GALNTL6: variants seen among roughly 807,000 people sequenced by gnomAD.
GALNTL6 encodes the protein polypeptide N-acetylgalactosaminyltransferase like 6.
GALNTL6 carries 46 observed loss-of-function variants against 73.7 expected under a neutral mutation model. The observed-to-expected ratio is 0.62, with a 90% CI of 0.49 to 0.80. The LOEUF (loss-of-function observed/expected upper bound fraction) is 0.80. GALNTL6 is among the 30% of genes least tolerant of loss of function. The pLI is 0.00. For synonymous variants in GALNTL6, 259 were observed against 263.7 expected (o/e 0.98, Z 0.17); for missense variants, 604 against 755.0 (o/e 0.80, Z 2.34).
Position 172,762,986 on chromosome 4 carries a change from C to T in GALNTL6, c.554-46375C>T, listed in dbSNP as rs796877684. Among the ~76,000 whole-genome samples, 7 of 144,912 alleles carry T rather than the reference C, an allele frequency of 4.8e-5. No homozygotes were observed. In the South Asian group the frequency reaches 1.5e-3, roughly 32 times the overall value. On this transcript the variant is annotated intron_variant, in intron 5 of 12. Transcript: ENST00000506823. Reference sequence around the variant, plus strand: ...CTCAAGTCTGCCATATGATGGCTGCCAGTGACATCATTGCAGACAAAAAAA... The same window carrying T: ...CTCAAGTCTGCCATATGATGGCTGCTAGTGACATCATTGCAGACAAAAAAA...
chr4:171,865,993 A>T lies in GALNTL6; in HGVS notation c.138+51275A>T, dbSNP rs542526027. ...CAAATTATTATGAAGAGTTGGCATA[A>T]TTCTCTGTTAAATATAAAAAAGGCT... is the stretch of plus-strand genomic sequence containing the variant. On this transcript the variant is annotated intron_variant, in intron 2 of 12. Coordinates refer to ENST00000506823, the MANE Select transcript of GALNTL6 (RefSeq NM_001034845.3). Among the ~76,000 whole-genome samples, 19 of 152,286 alleles carry T rather than the reference A, an allele frequency of 1.2e-4. No homozygotes were observed. In the South Asian group the frequency reaches 3.9e-3, roughly 32 times the overall value.
At chr4:172,919,411 C>T (rs777946098) in intron 8 of GALNTL6, among the ~76,000 whole-genome samples, 4 of 152,090 alleles carry the variant, frequency 2.6e-5, no homozygotes, top group Admixed American at 1.3e-4. Flanking sequence ...TTTCATTTTC[C>T]GCTTCACCAC....
In GALNTL6 at chr4:172,496,114, G is replaced by C. The variant is rs550996954; in HGVS notation, c.553+147425G>C. Among the ~76,000 whole-genome samples the C allele has an allele frequency of 6.2e-4, 94 of 152,200 alleles. 1 individual carries two copies. Among genetic ancestry groups the C allele is most frequent in the African/African-American group, 2.0e-3 (85 of 41,532 alleles). On this transcript the variant is annotated intron_variant, in intron 5 of 12. Coordinates refer to ENST00000506823, the MANE Select transcript of GALNTL6 (RefSeq NM_001034845.3). Reference sequence around the variant, plus strand: ...TCTGTCATCACTGCTGCATTTTTTAGACTGATTTTTAATCTCTCATACAAA... The same window carrying C: ...TCTGTCATCACTGCTGCATTTTTTACACTGATTTTTAATCTCTCATACAAA...
At chr4:172,791,958 C>T (rs1459220905) in intron 5 of GALNTL6, among the ~76,000 whole-genome samples, 1 of 152,210 alleles carries the variant, frequency 6.6e-6, no homozygotes, top group South Asian at 2.1e-4. Context: ...GAAACCATAA[C>T]AAGCTCCTAA....
chr4:171,899,077 T>TATTTAGTATTTATAAATACTAAATAAAA (rs1560831606), intron 2 of GALNTL6, among the ~76,000 whole-genome samples: 1 of 145,278 alleles, frequency 6.9e-6, no homozygotes, highest in African/African-American at 2.5e-5. Flanking sequence ...GTATTACTTT[T>TATTTAGTATTTATAAATACTAAATAAAA]ATTTAGTATT....
At chr4:172,958,596 G>A (rs1312127501) in intron 10 of GALNTL6, among the ~76,000 whole-genome samples, 3 of 152,224 alleles carry the variant, frequency 2.0e-5, no homozygotes, top group Non-Finnish European at 4.4e-5. Context: ...TTTTGTAGAA[G>A]GTGTTGGGGT....
intron 2 of GALNTL6, among the ~76,000 whole-genome samples, chr4:171,957,764 C>T (rs1407567319): frequency 6.6e-6 from 1 of 152,136 alleles, no homozygotes; most frequent in Non-Finnish European, 1.5e-5. Context: ...GGTGTACAAT[C>T]CATTCTCTCC....
intron 3 of GALNTL6, among the ~76,000 whole-genome samples, chr4:172,229,968 T>C (rs143047825): frequency 2.4e-4 from 37 of 152,240 alleles, no homozygotes; most frequent in African/African-American, 8.7e-4. Context: ...ATATTAGCTG[T>C]GGTAAAAGTC....
chr4:172,943,771 C>T (rs1053700695), intron 9 of GALNTL6, among the ~76,000 whole-genome samples: 2 of 152,198 alleles, frequency 1.3e-5, no homozygotes, highest in African/African-American at 4.8e-5. Flanking sequence ...CAACAACAAA[C>T]ACACAACCTG....
chr4:172,774,105 A>C (rs1391692239), intron 5 of GALNTL6, among the ~76,000 whole-genome samples: 1 of 152,228 alleles, frequency 6.6e-6, no homozygotes, highest in Non-Finnish European at 1.5e-5. Context: ...TCATTTTTGC[A>C]CAACGAATTC....
At chr4:172,482,675 T>A (rs1268890063) in intron 5 of GALNTL6, among the ~76,000 whole-genome samples, 1 of 152,250 alleles carries the variant, frequency 6.6e-6, no homozygotes, top group Non-Finnish European at 1.5e-5. Flanking sequence ...TTTCAGTTTT[T>A]GGTAATTTGT....
At chr4:172,661,883 C>G (rs905627168) in intron 5 of GALNTL6, among the ~76,000 whole-genome samples, 1 of 152,142 alleles carries the variant, frequency 6.6e-6, no homozygotes, top group Non-Finnish European at 1.5e-5. Flanking sequence ...GCAAAACAGT[C>G]CCTGATGTCA....
chr4:172,948,863 C>T (rs1029453346), intron 9 of GALNTL6, among the ~76,000 whole-genome samples: 1 of 152,106 alleles, frequency 6.6e-6, no homozygotes, highest in South Asian at 2.1e-4. Flanking sequence ...CCCTAGTTAA[C>T]TATACTAAAG....
intron 2 of GALNTL6, among the ~76,000 whole-genome samples, chr4:172,199,489 G>T (rs571410386): frequency 6.8e-4 from 104 of 152,242 alleles, no homozygotes; most frequent in African/African-American, 2.4e-3. Flanking sequence ...CATTTGACTT[G>T]TAATTAGTGT....
chr4:172,893,970 A>C (rs992261310), intron 8 of GALNTL6, among the ~76,000 whole-genome samples: 5 of 152,134 alleles, frequency 3.3e-5, no homozygotes, highest in Non-Finnish European at 5.9e-5. Flanking sequence ...CAGGTTTGGG[A>C]GCTGGTCCTC....
intron 5 of GALNTL6, among the ~76,000 whole-genome samples, chr4:172,780,880 T>G (rs1739338081): frequency 6.6e-6 from 1 of 152,166 alleles, no homozygotes; most frequent in Admixed American, 6.5e-5. Flanking sequence ...GCTGTGCATA[T>G]CAGAGCTACA....
At chr4:171,845,614 C>T (rs1053874137) in intron 2 of GALNTL6, among the ~76,000 whole-genome samples, 10 of 151,998 alleles carry the variant, frequency 6.6e-5, no homozygotes, top group African/African-American at 2.4e-4. Flanking sequence ...TAGATGTGCT[C>T]TCTACAACCG....
intron 5 of GALNTL6, among the ~76,000 whole-genome samples, chr4:172,758,451 G>A (rs146442363): frequency 6.6e-6 from 1 of 152,172 alleles, no homozygotes; most frequent in African/African-American, 2.4e-5. Flanking sequence ...CAGGAGAATT[G>A]CTTGAACCCA....
Position 172,744,834 on chromosome 4 carries a change from CGCGTGCGTGTGT to C in GALNTL6, c.554-64525_554-64514del, listed in dbSNP as rs1202301771. Among the ~76,000 whole-genome samples the C allele has an allele frequency of 8.0e-3, 676 of 84,690 alleles. 6 individuals carry two copies. The highest frequency in any genetic ancestry group is 0.029 in the African/African-American group (648 of 22,248). The allele number at this position is 84,690 out of a possible 152,430, so 55.6% of individuals were successfully genotyped here. A position where few individuals can be genotyped will look rare whatever the true frequency, so the allele number is the denominator to read the frequency against. On this transcript the variant is annotated intron_variant, in intron 5 of 12. Transcript: ENST00000506823. ...CACAAAAGGATAGATTTTAAGAGTG[CGCGTGCGTGTGT>C]GTGTGTGTGTGTGTGTGTGTGTGTG...
Sources: allele counts gnomAD v4.1 joint callset (sites outside exome capture counted in the v4.1 genomes callset), GRCh38; gene constraint gnomAD v4.1.1; transcripts MANE v1.5; gene names NCBI Gene and HGNC (gene_info 2026-07-23, HGNC 2026-07-21).